Variants in MPP3 observed in about 807,000 individuals in gnomAD.
MPP3 encodes the protein MAGUK p55 subfamily member 3.
MPP3 carries 48 observed loss-of-function variants against 80.7 expected under a neutral mutation model. The ratio of observed to expected loss-of-function variants is 0.59; its 90% CI spans 0.47 to 0.76. The LOEUF (loss-of-function observed/expected upper bound fraction) is 0.76, where lower values mean the gene tolerates loss of function less well. MPP3 is among the 30% of genes least tolerant of loss of function. The probability of loss-of-function intolerance (pLI) is 0.00; values close to 1 mark genes in which losing one functional copy is unlikely to be tolerated. For synonymous variants in MPP3, 311 were observed against 297.6 expected (o/e 1.04, Z -0.46); for missense variants, 620 against 763.0 (o/e 0.81, Z 2.21).
chr17:43,820,860 A>G lies in MPP3; in HGVS notation c.881+2T>C. 1 of 1,613,282 alleles carries G rather than the reference A, an allele frequency of 6.2e-7. No individual in the cohort carries two copies. ...GCCCTTCACAACATACCCCAGACCC[A>G]CCTCTCCTGGAACCCCTTGGAGGGG... On this transcript the variant is annotated splice_donor_variant, in intron 11 of 19. Transcript: ENST00000398389. LOFTEE classifies it high-confidence loss of function.
At chr17:43,831,346 G>A in intron 4 of MPP3, 25 bp from the exon 5 acceptor site, 1 of 1,609,426 alleles carries the variant, frequency 6.2e-7, no homozygotes, top group Admixed American at 1.7e-5. Flanking sequence ...TATTTCAGAT[G>A]CACCCTGGAC....
In MPP3 at chr17:43,816,687, A is replaced by T; in HGVS notation, c.957T>A (p.Pro319=). The stretch of plus-strand genomic sequence containing the variant: ...AGATACTGGGCCTACCTTTGTCACA[A>T]GGCTGATCATCTGCGGTTTGCACAA... ...QSLRKPPYDQ[P]CDKETCDCEG... Residue 319 remains proline (P), a synonymous_variant, in exon 13 of 20, where the codon CCT becomes CCA. Coordinates refer to ENST00000398389, the MANE Select transcript of MPP3 (RefSeq NM_001932.6). The T allele has an allele frequency of 3.2e-6, 5 of 1,577,632 alleles. No individual in the cohort carries two copies. Among genetic ancestry groups the T allele is most frequent in the Non-Finnish European group, 4.3e-6 (5 of 1,161,062 alleles).
intron 7 of MPP3, 81 bp from the exon 8 acceptor site, chr17:43,827,913 T>C: frequency 7.7e-7 from 1 of 1,291,136 alleles, no homozygotes; most frequent in Non-Finnish European, 1.1e-6. Flanking sequence ...CAACACAGCC[T>C]CCCCAGTCCC....
chr17:43,819,926 T>A (rs1456580785), intron 11 of MPP3, among the ~76,000 whole-genome samples: 1 of 152,040 alleles, frequency 6.6e-6, no homozygotes, highest in African/African-American at 2.4e-5. Context: ...TCCTCTTCAG[T>A]TTTTTTCTGT....
Position 43,816,191 on chromosome 17 carries a change from G to A in MPP3, c.968-112C>T, listed in dbSNP as rs979684174. 18 of 904,346 alleles carry A rather than the reference G, an allele frequency of 2.0e-5. No homozygotes were observed. The East Asian group carries it at 2.7e-4, about 13-fold the overall frequency. 56.0% of individuals were successfully genotyped at this position (904,346 alleles called of 1,614,324 possible). A position where few individuals can be genotyped will look rare whatever the true frequency, so the allele number is the denominator to read the frequency against. ...GAAGAGCCCCCTGGGATGGTGTCTCGTGGGGAGCTCAGGGGAAATCCCATG... is the reference window on the plus strand; with the variant it reads ...GAAGAGCCCCCTGGGATGGTGTCTCATGGGGAGCTCAGGGGAAATCCCATG... On this transcript the variant is annotated intron_variant, in intron 13 of 19. Coordinates refer to ENST00000398389, the MANE Select transcript of MPP3 (RefSeq NM_001932.6).
At chr17:43,816,718 A>G (rs1438017295) in intron 12 of MPP3, 21 bp from the exon 13 acceptor site, 9 of 1,570,500 alleles carry the variant, frequency 5.7e-6, no homozygotes, top group Non-Finnish European at 6.9e-6. Context: ...CACAAAAGAC[A>G]GATGGAACAG....
chr17:43,816,967 C>T (rs941503331), intron 12 of MPP3, among the ~76,000 whole-genome samples: 1 of 152,244 alleles, frequency 6.6e-6, no homozygotes, highest in Admixed American at 6.5e-5. Context: ...TCTAACCTGA[C>T]AGCAAGTCTG....
Position 43,816,082 on chromosome 17 carries a change from G to A in MPP3, c.968-3C>T. ...GTAGCCCTCACAGTCACAGGTCTCT[G>A]GGAAGCAAACAGAGGGAGGGAAGCC... On this transcript the variant is annotated splice_polypyrimidine_tract_variant and splice_region_variant and intron_variant, in intron 13 of 19. Transcript: ENST00000398389. 1 of 1,508,952 alleles carries A rather than the reference G, an allele frequency of 6.6e-7. No homozygotes were observed. The highest frequency in any genetic ancestry group is 8.8e-7 in the Non-Finnish European group (1 of 1,134,258). The allele number at this position is 1,508,952 out of a possible 1,614,324, so 93.5% of individuals were successfully genotyped here. A position where few individuals can be genotyped will look rare whatever the true frequency, so the allele number is the denominator to read the frequency against.
Position 43,825,815 on chromosome 17 carries a change from G to A in MPP3, c.550C>T (p.Arg184Ter), listed in dbSNP as rs372568094. Residue 184 changes from arginine (R) to a stop codon, truncating the protein, a stop_gained, in exon 9 of 20, where the codon CGA becomes TGA. Transcript: ENST00000398389. LOFTEE classifies it high-confidence loss of function. Reference sequence around the variant, plus strand: ...AGGACTGCGATCCCGTTCACTTCTCGGAGCTCATCTCCAACGTGGACCAGG... The same window carrying A: ...AGGACTGCGATCCCGTTCACTTCTCAGAGCTCATCTCCAACGTGGACCAGG... ...SGLVHVGDEL[R>*]EVNGIAVLHK... The A allele has an allele frequency of 3.1e-6, 5 of 1,612,780 alleles. No individual in the cohort carries two copies. Among genetic ancestry groups the A allele is most frequent in the Admixed American group, 3.3e-5 (2 of 60,016 alleles).
chr17:43,830,051 C>G lies in MPP3; in HGVS notation c.279G>C (p.Gln93His). The G allele has an allele frequency of 6.3e-7, 1 of 1,593,660 alleles. No homozygotes were observed. Among genetic ancestry groups the G allele is most frequent in the Non-Finnish European group, 8.5e-7 (1 of 1,171,402 alleles). ...SVHSDERELL[Q>H]LLSTPHLRAV... ...CCCTCAGGTGCGGGGTGGACAGCAG[C>G]TGGAGCAGCTCCCTCTCATCACTGT... Residue 93 changes from glutamine to histidine, a missense_variant, in exon 6 of 20, where the codon CAG (glutamine) becomes CAC (histidine). Gln to His is a conservative substitution (Grantham distance 24). Transcript: ENST00000398389.
At chr17:43,821,130 GC>G in intron 10 of MPP3, 72 bp from the exon 11 acceptor site, 1 of 1,464,422 alleles carries the variant, frequency 6.8e-7, no homozygotes, top group Non-Finnish European at 9.4e-7. Context: ...CACATCAAAG[GC>G]CACATGACAA....
intron 8 of MPP3, among the ~76,000 whole-genome samples, chr17:43,826,188 C>T (rs2045687898): frequency 6.6e-6 from 1 of 152,218 alleles, no homozygotes; most frequent in Non-Finnish European, 1.5e-5. Context: ...TTGCTATAAT[C>T]TCTGCTTCTT....
chr17:43,811,882 C>T (rs1431868911), intron 16 of MPP3, among the ~76,000 whole-genome samples: 1 of 152,160 alleles, frequency 6.6e-6, no homozygotes, highest in Non-Finnish European at 1.5e-5. Flanking sequence ...CATGAGCCAC[C>T]GCGCCCAGCA....
At position 43,830,507 on chromosome 17, in the gene MPP3, T is replaced by C. The variant is rs114201441; in HGVS notation, c.223-400A>G. On this transcript the variant is annotated intron_variant, in intron 5 of 19. Transcript: ENST00000398389. Reference sequence around the variant, plus strand: ...ATTTGAACCTGGGCTTATCTGGCTCTCAGATGCTATTTTATGAATGAGGAA... The same window carrying C: ...ATTTGAACCTGGGCTTATCTGGCTCCCAGATGCTATTTTATGAATGAGGAA... 3.9e-3 allele frequency among the ~76,000 whole-genome samples: 596 copies of C among 152,324 alleles called. 5 individuals are homozygous for C. The highest frequency in any genetic ancestry group is 0.012 in the African/African-American group (512 of 41,572).
At chr17:43,822,554 T>C (rs960861793) in intron 10 of MPP3, among the ~76,000 whole-genome samples, 5 of 151,676 alleles carry the variant, frequency 3.3e-5, no homozygotes, top group East Asian at 1.9e-4. Context: ...ACGTCTCACC[T>C]GGGCTTTTAC....
At chr17:43,820,427 A>T (rs2045377346) in intron 11 of MPP3, among the ~76,000 whole-genome samples, 1 of 151,956 alleles carries the variant, frequency 6.6e-6, no homozygotes, top group Non-Finnish European at 1.5e-5. Context: ...CCCTGTCTCT[A>T]CTAAAAATAC....
chr17:43,827,914 C>A, intron 7 of MPP3, 82 bp from the exon 8 acceptor site: 1 of 1,291,774 alleles, frequency 7.7e-7, no homozygotes, highest in Admixed American at 1.7e-5. Context: ...AACACAGCCT[C>A]CCCAGTCCCT....
chr17:43,832,455 C>T (rs911721402), intron 2 of MPP3, among the ~76,000 whole-genome samples: 1 of 152,174 alleles, frequency 6.6e-6, no homozygotes, highest in African/African-American at 2.4e-5. Context: ...CCCGACCCCC[C>T]AAGACCCAAC....
rs1598356049 is a variant in MPP3 at position 43,823,863 on chromosome 17, C to T, written c.684+68G>A. The T allele has an allele frequency of 9.7e-6, 11 of 1,135,428 alleles. No homozygotes were observed. In the East Asian group the frequency reaches 1.7e-4, roughly 18 times the overall value. 70.3% of individuals were successfully genotyped at this position (1,135,428 alleles called of 1,614,324 possible). ...ACTGTTACAAGAGACTGGACTGGATCCAGCCCCCAGCCAGCGAGCTGCATC... is the reference window on the plus strand; with the variant it reads ...ACTGTTACAAGAGACTGGACTGGATTCAGCCCCCAGCCAGCGAGCTGCATC... On this transcript the variant is annotated intron_variant, in intron 10 of 19. Transcript: ENST00000398389.
Sources: allele counts gnomAD v4.1 joint callset (sites outside exome capture counted in the v4.1 genomes callset), GRCh38; gene constraint gnomAD v4.1.1; transcripts MANE v1.5; gene names NCBI Gene and HGNC (gene_info 2026-07-23, HGNC 2026-07-21).